Variants in ENTHD1 observed in about 807,000 individuals in gnomAD.
The protein encoded by ENTHD1 is ENTH domain-containing protein 1.
Under a neutral mutation model 39.1 loss-of-function variants are expected in ENTHD1, and 23 were observed. The ratio of observed to expected loss-of-function variants is 0.59; its 90% CI spans 0.42 to 0.83. The LOEUF (loss-of-function observed/expected upper bound fraction) is 0.83, where lower values mean the gene tolerates loss of function less well. Among genes scored for constraint, ENTHD1 ranks in the 40% least tolerant of loss-of-function variants. The pLI, the probability that ENTHD1 is intolerant of heterozygous loss-of-function variation, is 0.00. For missense variants in ENTHD1, 624 were observed against 705.4 expected, an observed-to-expected ratio of 0.88 and a Z score of 1.31; for synonymous variants, 230 against 258.2, an observed-to-expected ratio of 0.89 and a Z score of 1.05.
chr22:39,789,239 C>T (rs941666990), intron 5 of ENTHD1, among the ~76,000 whole-genome samples: 2 of 152,142 alleles, frequency 1.3e-5, no homozygotes, highest in Non-Finnish European at 1.5e-5. Context: ...GATATATACA[C>T]GGTAGTTCTA....
At position 39,867,009 on chromosome 22, in the gene ENTHD1, T is replaced by C. The variant is rs2066187778; in HGVS notation, c.350-5002A>G. Among the ~76,000 whole-genome samples, 1 of 152,138 alleles carries C rather than the reference T, an allele frequency of 6.6e-6. No homozygotes were observed. Among genetic ancestry groups the C allele is most frequent in the South Asian group, 2.1e-4 (1 of 4,828 alleles). On this transcript the variant is annotated intron_variant, in intron 2 of 6. Coordinates refer to ENST00000325157, the MANE Select transcript of ENTHD1 (RefSeq NM_152512.4). The surrounding 1 kb of genome is among the most constrained non-coding windows in gnomAD (Gnocchi z 4.5). ...GCTCTGCCTCCTGGGTTCAAGCGAT[T>C]CTCCTGCCTCAGCCTCCGGAGTAGC...
chr22:39,820,003 T>A (rs961549127), intron 5 of ENTHD1, among the ~76,000 whole-genome samples: 2 of 152,356 alleles, frequency 1.3e-5, no homozygotes, highest in Non-Finnish European at 2.9e-5. Flanking sequence ...CTAAAAATTA[T>A]AACCACTTAT....
chr22:39,841,981 C>T (rs1601633205), intron 3 of ENTHD1, among the ~76,000 whole-genome samples: 1 of 151,458 alleles, frequency 6.6e-6, no homozygotes, highest in Admixed American at 6.6e-5. Flanking sequence ...TATTTTATTT[C>T]TCCTTCACTT....
intron 6 of ENTHD1, among the ~76,000 whole-genome samples, chr22:39,749,572 CAGA>C (rs2065132619): frequency 1.3e-5 from 2 of 152,190 alleles, no homozygotes; most frequent in African/African-American, 2.4e-5. Context: ...TTTCTGTAGG[CAGA>C]AGGTCTTTGG....
intron 6 of ENTHD1, 89 bp downstream of exon 6, chr22:39,765,134 A>G: frequency 6.9e-7 from 1 of 1,439,116 alleles, no homozygotes; most frequent in Non-Finnish European, 9.1e-7. Flanking sequence ...AGGAGACAGA[A>G]AGCAGAGAAA....
intron 5 of ENTHD1, among the ~76,000 whole-genome samples, chr22:39,789,453 T>C (rs1390559844): frequency 1.3e-5 from 2 of 152,146 alleles, no homozygotes; most frequent in Non-Finnish European, 2.9e-5. Flanking sequence ...GATGTTTTAA[T>C]TGGTAACTCC....
At position 39,784,765 on chromosome 22, in the gene ENTHD1, C is replaced by T. The variant is rs144406827; in HGVS notation, c.833-19156G>A. ...AAGATGGAGAGTAGAGTGGAAGTTA[C>T]CAGGGGCTGGGAAGGGTGGAGTGGG... On this transcript the variant is annotated intron_variant, in intron 5 of 6. Transcript: ENST00000325157. 4.7e-3 allele frequency among the ~76,000 whole-genome samples: 720 copies of T among 152,062 alleles called. 7 individuals carry two copies. Among genetic ancestry groups the T allele is most frequent in the Middle Eastern group, 0.044 (13 of 294 alleles).
chr22:39,863,564 A>G (rs566232232), intron 2 of ENTHD1, among the ~76,000 whole-genome samples: 1 of 152,296 alleles, frequency 6.6e-6, no homozygotes, highest in Admixed American at 6.5e-5. Context: ...TCACTCGAAT[A>G]TAAGGTATTA....
intron 3 of ENTHD1, among the ~76,000 whole-genome samples, chr22:39,848,992 TTC>T (rs1283564538): frequency 1.3e-5 from 2 of 152,182 alleles, no homozygotes. Context: ...AAAATGCCAC[TTC>T]TGTCATTTAC....
At chr22:39,772,206 G>T (rs955570473) in intron 5 of ENTHD1, among the ~76,000 whole-genome samples, 3 of 152,056 alleles carry the variant, frequency 2.0e-5, no homozygotes, top group Non-Finnish European at 2.9e-5. Context: ...GTGCAACCTA[G>T]ATCCCTCGCA....
intron 5 of ENTHD1, among the ~76,000 whole-genome samples, chr22:39,798,976 C>T (rs760760989): frequency 1.3e-5 from 2 of 152,154 alleles, no homozygotes; most frequent in African/African-American, 4.8e-5. Flanking sequence ...AGAGGGAATG[C>T]ACAGATGCCA....
intron 4 of ENTHD1, among the ~76,000 whole-genome samples, chr22:39,828,223 C>T (rs2065841030): frequency 6.6e-6 from 1 of 152,152 alleles, no homozygotes; most frequent in Non-Finnish European, 1.5e-5. Context: ...ACTTGAGAAG[C>T]ATGGAGGAGT....
intron 6 of ENTHD1, among the ~76,000 whole-genome samples, chr22:39,758,238 C>T (rs1427759296): frequency 6.6e-6 from 1 of 152,036 alleles, no homozygotes; most frequent in Non-Finnish European, 1.5e-5. Flanking sequence ...TCTTCCTTTC[C>T]AATACATATG....
chr22:39,744,098 G>T lies in ENTHD1; in HGVS notation c.1405C>A (p.His469Asn). 6.2e-7 allele frequency: 1 copy of T among 1,614,136 alleles called. No individual in the cohort carries two copies. The highest frequency in any genetic ancestry group is 8.5e-7 in the Non-Finnish European group (1 of 1,179,996). The change falls in exon 7 of 7, where the codon CAT (histidine) becomes AAT (asparagine). Residue 469 changes from histidine to asparagine, a missense_variant. Physicochemically the swap from His to Asn is moderately conservative, Grantham distance 68. Transcript: ENST00000325157. ...FKDEDKTAKL[H>N]HSFASRGPVS... Reference sequence around the variant, plus strand: ...GGGCCCCTAGAAGCAAAGGAGTGATGCAGCTTGGCTGTCTTATCTTCATCT... The same window carrying T: ...GGGCCCCTAGAAGCAAAGGAGTGATTCAGCTTGGCTGTCTTATCTTCATCT...
At chr22:39,879,232 G>A (rs1282905732) in intron 2 of ENTHD1, among the ~76,000 whole-genome samples, 4 of 151,922 alleles carry the variant, frequency 2.6e-5, no homozygotes, top group Admixed American at 2.0e-4. Context: ...GGAGGCTGAG[G>A]CGGGCGGATC....
intron 5 of ENTHD1, among the ~76,000 whole-genome samples, chr22:39,816,492 A>G (rs1298902851): frequency 6.6e-6 from 1 of 152,206 alleles, no homozygotes; most frequent in African/African-American, 2.4e-5. Flanking sequence ...TAAACAGACC[A>G]GAACAAGAAA....
intron 5 of ENTHD1, among the ~76,000 whole-genome samples, chr22:39,814,340 G>A (rs2065717273): frequency 6.6e-6 from 1 of 151,376 alleles, no homozygotes. Context: ...TGAGCCTGTA[G>A]TCCCAGCTAC....
intron 6 of ENTHD1, among the ~76,000 whole-genome samples, chr22:39,751,813 GAAGT>G (rs1282425787): frequency 6.6e-6 from 1 of 152,124 alleles, no homozygotes; most frequent in Non-Finnish European, 1.5e-5. Context: ...GTTAAAAGTA[GAAGT>G]ATTTAAAGAA....
intron 5 of ENTHD1, among the ~76,000 whole-genome samples, chr22:39,793,005 C>T (rs75760250): frequency 0.061 from 9,241 of 152,148 alleles, 389 homozygotes; most frequent in South Asian, 0.13. Context: ...TGAGAAATCT[C>T]CCTATAATTT....
Sources: allele counts gnomAD v4.1 joint callset (sites outside exome capture counted in the v4.1 genomes callset), GRCh38; gene constraint gnomAD v4.1.1; non-coding constraint Gnocchi (gnomAD v3.1); transcripts MANE v1.5; gene names NCBI Gene and HGNC (gene_info 2026-07-23, HGNC 2026-07-21).